Variants in FMN1 observed in about 807,000 individuals in gnomAD.
FMN1 encodes formin-1.
Under a neutral mutation model 132.4 loss-of-function variants are expected in FMN1, and 110 were observed. That is an observed-to-expected ratio of 0.83 (90% CI 0.71 to 0.97). The LOEUF (loss-of-function observed/expected upper bound fraction) is 0.97. FMN1 is among the 50% of genes least tolerant of loss of function. The probability of loss-of-function intolerance (pLI) is 0.00; values close to 1 mark genes in which losing one functional copy is unlikely to be tolerated. For synonymous variants in FMN1, 722 were observed against 651.7 expected (o/e 1.11, Z -1.64); for missense variants, 1,792 against 1,705.3 (o/e 1.05, Z -0.90).
chr15:33,057,499 C>CCT (rs1444309978), intron 6 of FMN1, among the ~76,000 whole-genome samples: 31 of 151,996 alleles, frequency 2.0e-4, no homozygotes, highest in Non-Finnish European at 4.3e-4. Context: ...TTATCATTAC[C>CCT]CTCCTTTTTA....
At chr15:32,906,452 T>C (rs1416405524) in intron 12 of FMN1, among the ~76,000 whole-genome samples, 1 of 152,260 alleles carries the variant, frequency 6.6e-6, no homozygotes, top group Non-Finnish European at 1.5e-5. Flanking sequence ...CTGTGGTTGC[T>C]TTGGCACAGC....
intron 15 of FMN1, among the ~76,000 whole-genome samples, chr15:32,895,888 T>C (rs548116225): frequency 6.6e-6 from 1 of 152,314 alleles, no homozygotes; most frequent in African/African-American, 2.4e-5. Flanking sequence ...TTTAGTTTTA[T>C]GCATTGAAAG....
chr15:32,870,599 C>T (rs974536901), intron 16 of FMN1, among the ~76,000 whole-genome samples: 51 of 152,190 alleles, frequency 3.4e-4, no homozygotes, highest in African/African-American at 1.2e-3. Flanking sequence ...TTCAAAGGTC[C>T]CGCCTACCAA....
chr15:32,979,415 G>A (rs998072612), intron 7 of FMN1, among the ~76,000 whole-genome samples: 4 of 151,976 alleles, frequency 2.6e-5, no homozygotes, highest in Non-Finnish European at 5.9e-5. Flanking sequence ...AATTAGCCGG[G>A]CGTGGTGGTG....
chr15:32,939,591 T>C (rs1187914320), intron 9 of FMN1, among the ~76,000 whole-genome samples: 1 of 152,210 alleles, frequency 6.6e-6, no homozygotes, highest in Non-Finnish European at 1.5e-5. Context: ...GCTTTTCTTT[T>C]GTTGGATTAT....
At chr15:32,872,064 TA>T (rs2059529004) in intron 16 of FMN1, among the ~76,000 whole-genome samples, 1 of 151,574 alleles carries the variant, frequency 6.6e-6, no homozygotes, top group Non-Finnish European at 1.5e-5. Context: ...TGAAAGGCCC[TA>T]ATGTGTCACG....
intron 11 of FMN1, among the ~76,000 whole-genome samples, chr15:32,909,161 A>G (rs1447536573): frequency 1.3e-5 from 2 of 152,222 alleles, no homozygotes; most frequent in African/African-American, 4.8e-5. Flanking sequence ...CCATGTGCTT[A>G]GTCCTGAGCT....
At chr15:33,043,600 G>C (rs2036541642) in intron 6 of FMN1, among the ~76,000 whole-genome samples, 1 of 152,236 alleles carries the variant, frequency 6.6e-6, no homozygotes, top group African/African-American at 2.4e-5. Context: ...TTTTTTAACA[G>C]ATGGTGTCAG....
At chr15:32,971,089 A>G (rs1300728398) in intron 7 of FMN1, among the ~76,000 whole-genome samples, 3 of 152,172 alleles carry the variant, frequency 2.0e-5, no homozygotes, top group Admixed American at 6.5e-5. Flanking sequence ...CAGACAGGGA[A>G]CGCTGTGTCC....
At chr15:33,068,526 C>T (rs1276354347) in intron 5 of FMN1, among the ~76,000 whole-genome samples, 6 of 152,222 alleles carry the variant, frequency 3.9e-5, no homozygotes, top group East Asian at 1.9e-4. Flanking sequence ...CCCAGATCAG[C>T]AGCCACTTAC....
intron 17 of FMN1, among the ~76,000 whole-genome samples, chr15:32,853,822 C>G (rs2059064477): frequency 6.6e-6 from 1 of 152,206 alleles, no homozygotes; most frequent in South Asian, 2.1e-4. Flanking sequence ...AAACAAGGGC[C>G]AGGCCCAGAG....
intron 7 of FMN1, among the ~76,000 whole-genome samples, chr15:32,985,080 G>A (rs145452427): frequency 2.5e-3 from 377 of 151,084 alleles, no homozygotes; most frequent in African/African-American, 8.5e-3. Context: ...AATGTTGCGC[G>A]AAAGGATTAG....
intron 6 of FMN1, among the ~76,000 whole-genome samples, chr15:33,013,606 A>C (rs1341835586): frequency 6.6e-6 from 1 of 152,220 alleles, no homozygotes; most frequent in Non-Finnish European, 1.5e-5. Context: ...TGAAAGAAAA[A>C]ATACTTCTCT....
intron 9 of FMN1, among the ~76,000 whole-genome samples, chr15:32,951,641 T>C (rs1350424511): frequency 6.6e-6 from 1 of 152,232 alleles, no homozygotes; most frequent in East Asian, 1.9e-4. Context: ...ATGGTGGTAA[T>C]AGCATAGTGA....
At chr15:33,023,258 GA>G in intron 6 of FMN1, among the ~76,000 whole-genome samples, 1 of 123,948 alleles carries the variant, frequency 8.1e-6, no homozygotes, top group East Asian at 2.1e-4. Context: ...AGGGGAGGGG[GA>G]AACTTAAAAA....
chr15:32,914,842 A>G (rs1014116116), intron 10 of FMN1, among the ~76,000 whole-genome samples: 1 of 152,198 alleles, frequency 6.6e-6, no homozygotes, highest in Non-Finnish European at 1.5e-5. Flanking sequence ...AGAAACAGGC[A>G]GAGGAGTCTA....
At chr15:33,037,364 T>C (rs1032751670) in intron 6 of FMN1, among the ~76,000 whole-genome samples, 4 of 151,648 alleles carry the variant, frequency 2.6e-5, no homozygotes, top group African/African-American at 9.7e-5. Context: ...GAGGGGAAAA[T>C]AAGGTGAGAG....
chr15:33,110,772 C>A (rs2039671172), intron 4 of FMN1, among the ~76,000 whole-genome samples: 1 of 150,956 alleles, frequency 6.6e-6, no homozygotes, highest in Admixed American at 6.6e-5. Context: ...TTTTGCTATT[C>A]CTTTAGCCAT....
At chr15:33,097,635 G>C (rs2039139045) in intron 4 of FMN1, among the ~76,000 whole-genome samples, 1 of 152,174 alleles carries the variant, frequency 6.6e-6, no homozygotes, top group South Asian at 2.1e-4. Flanking sequence ...AAATAGTGGG[G>C]AGGAGGGCAG....
Sources: gnomAD v4.1 joint callset for allele counts (sites outside exome capture counted in the v4.1 genomes callset) on GRCh38, gnomAD v4.1.1 for gene constraint, MANE v1.5 for transcripts, NCBI Gene and HGNC (gene_info 2026-07-23, HGNC 2026-07-21) for gene names.